RNF38: variants seen among roughly 807,000 people sequenced by gnomAD.
The protein encoded by RNF38 is E3 ubiquitin-protein ligase RNF38.
A neutral mutation model predicts 67.2 loss-of-function variants in RNF38; 15 were observed. That is an observed-to-expected ratio of 0.22 (90% CI 0.15 to 0.34). The LOEUF (loss-of-function observed/expected upper bound fraction) is 0.34, where lower values mean the gene tolerates loss of function less well. RNF38 is among the 10% of genes least tolerant of loss of function. The pLI is 1.00. For missense variants in RNF38, 524 were observed against 639.9 expected (o/e 0.82, Z 1.95); for synonymous variants, 220 against 218.8 (o/e 1.01, Z -0.05).
intron 1 of RNF38, among the ~76,000 whole-genome samples, chr9:36,431,441 A>C (rs918529634): frequency 2.0e-5 from 3 of 152,244 alleles, no homozygotes; most frequent in African/African-American, 4.8e-5. Context: ...ATAGTATTAT[A>C]ATCTCAGGGG....
At chr9:36,381,407 CCT>C (rs1343593059) in intron 2 of RNF38, among the ~76,000 whole-genome samples, 4 of 152,102 alleles carry the variant, frequency 2.6e-5, no homozygotes, top group African/African-American at 9.7e-5. Context: ...CTCTCCATCC[CCT>C]GCTTCTGGAG....
At chr9:36,341,692 T>G (rs973576212) in intron 11 of RNF38, among the ~76,000 whole-genome samples, 1 of 151,904 alleles carries the variant, frequency 6.6e-6, no homozygotes, top group Non-Finnish European at 1.5e-5. Flanking sequence ...GGCAACATAG[T>G]GACACCCAGT....
chr9:36,356,421 G>A lies in RNF38; in HGVS notation c.791C>T (p.Pro264Leu). 6.2e-7 allele frequency: 1 copy of A among 1,613,734 alleles called. No individual in the cohort carries two copies. Among genetic ancestry groups the A allele is most frequent in the South Asian group, 1.1e-5 (1 of 91,042 alleles). The change falls in exon 6 of 12, where the codon CCA (proline) becomes CTA (leucine). Residue 264 changes from proline (P) to leucine (L), a missense_variant. By Grantham distance (98) the Pro-to-Leu change is moderately conservative. Coordinates refer to ENST00000259605, the MANE Select transcript of RNF38 (RefSeq NM_022781.5). ...AAATGGATCACTAGAAATAAGGGGT[G>A]GGAATGCAGCATATGGTACTGGTAA... ...QHLPVPYAAF[P>L]PLISSDPFLI...
At position 36,338,538 on chromosome 9, in the gene RNF38, G is replaced by A. The variant is rs551678910; in HGVS notation, c.*1214C>T. ...AAGAACTAGACAACTTTCAGAATTG[G>A]AGTCTGGCAAGTGAATTAATATGAA... On this transcript the variant is annotated 3_prime_UTR_variant, in exon 12 of 12. Coordinates refer to ENST00000259605, the MANE Select transcript of RNF38 (RefSeq NM_022781.5). 1 of 152,318 alleles carries A rather than the reference G, an allele frequency of 6.6e-6. No individual in the cohort carries two copies. Among genetic ancestry groups the A allele is most frequent in the African/African-American group, 2.4e-5 (1 of 41,576 alleles). The allele number at this position is 152,318 out of a possible 1,614,324, so 9.4% of individuals were successfully genotyped here.
intron 3 of RNF38, 79 bp from the exon 4 acceptor site, chr9:36,370,011 A>G: frequency 8.7e-7 from 1 of 1,145,464 alleles, no homozygotes; most frequent in Non-Finnish European, 1.2e-6. Context: ...TTTGATATCT[A>G]TCAATAGTAT....
At chr9:36,345,219 A>G (rs1007847400) in intron 9 of RNF38, among the ~76,000 whole-genome samples, 1 of 152,202 alleles carries the variant, frequency 6.6e-6, no homozygotes, top group Non-Finnish European at 1.5e-5. Flanking sequence ...GAAAAAATCT[A>G]AACACATACA....
intron 4 of RNF38, among the ~76,000 whole-genome samples, chr9:36,358,247 A>C (rs1335497822): frequency 6.6e-6 from 1 of 152,258 alleles, no homozygotes; most frequent in African/African-American, 2.4e-5. Flanking sequence ...GAATAAAAAG[A>C]ACTGGAATCA....
chr9:36,423,813 G>C lies in RNF38; in HGVS notation n.312+800C>G, dbSNP rs1337576479. 2.2e-5 allele frequency among the ~76,000 whole-genome samples: 2 copies of C among 89,482 alleles called. 1 individual carries two copies. The highest frequency in any genetic ancestry group is 7.9e-5 in the African/African-American group (2 of 25,392). 58.7% of individuals were successfully genotyped at this position (89,482 alleles called of 152,430 possible). On this transcript the variant is annotated intron_variant and non_coding_transcript_variant, in intron 2 of 3. Coordinates refer to the RNF38 transcript ENST00000488058. ...AAATACAAAAAATTAGCCGGGCGTG[G>C]TGGCGGGCGCCTGTAGTCCCAGCTA...
chr9:36,362,069 G>C (rs1219624347), intron 4 of RNF38, among the ~76,000 whole-genome samples: 2 of 152,072 alleles, frequency 1.3e-5, no homozygotes, highest in Non-Finnish European at 2.9e-5. Context: ...TAAAATCAAT[G>C]AATAGGGCCG....
chr9:36,393,522 T>TGTGTGTGG (rs57164047), intron 1 of RNF38, among the ~76,000 whole-genome samples: 9 of 124,560 alleles, frequency 7.2e-5, no homozygotes, highest in Admixed American at 3.1e-4. Flanking sequence ...TGTGTGTGTG[T>TGTGTGTGG]GGGGCAGGCA....
upstream of RNF38, chr9:36,400,974 C>T: frequency 1.0e-6 from 1 of 984,676 alleles, no homozygotes; most frequent in Non-Finnish European, 1.2e-6. Flanking sequence ...CCCTATGCGC[C>T]GGCGCACTGG....
At chr9:36,342,198 A>T (rs1338107850) in intron 11 of RNF38, 127 bp downstream of exon 11, 1 of 693,216 alleles carries the variant, frequency 1.4e-6, no homozygotes, top group African/African-American at 1.8e-5. Context: ...ATTTGCAGAG[A>T]TCATACTGAA....
rs1278504048 is a variant in RNF38 at position 36,369,802 on chromosome 9, G to C, written c.487C>G (p.Pro163Ala). 4 of 1,613,984 alleles carry C rather than the reference G, an allele frequency of 2.5e-6. No individual in the cohort carries two copies. Among genetic ancestry groups the C allele is most frequent in the Non-Finnish European group, 3.4e-6 (4 of 1,180,018 alleles). ...AGCAGACGGGGAGATACATTCGGAG[G>C]GTGGAAGGCTCGAGGCTCCTCTATT... ...QAIEEPRAFH[P>A]PNVSPRLLHP... The change falls in exon 4 of 12, where the codon CCT becomes GCT. Residue 163 changes from proline to alanine, a missense_variant. Around this residue, in one of 2 missense-constraint regions of RNF38, gnomAD observed 461 missense variants for 517.4 expected, o/e 0.89. Transcript: ENST00000259605.
At chr9:36,366,869 A>C (rs1835009036) in intron 4 of RNF38, among the ~76,000 whole-genome samples, 1 of 151,990 alleles carries the variant, frequency 6.6e-6, no homozygotes, top group South Asian at 2.1e-4. Context: ...TTATTGGGGG[A>C]ACTGAGAACC....
At chr9:36,480,794 C>T (rs1157930082) in intron 1 of RNF38, among the ~76,000 whole-genome samples, 1 of 151,898 alleles carries the variant, frequency 6.6e-6, no homozygotes, top group Non-Finnish European at 1.5e-5. Context: ...AAGTTATCCA[C>T]CCGCCTTGGC....
rs939411262 is a variant in RNF38, at chr9:36,356,748, G to T, written c.739-275C>A. On this transcript the variant is annotated intron_variant, in intron 5 of 11. Transcript: ENST00000259605. The stretch of plus-strand genomic sequence containing the variant: ...TATGAAAAAGGGTTGGGGCGGGTGT[G>T]GGGGGGGCGGGGGGGAAGTGCTGCA... Among the ~76,000 whole-genome samples the T allele has an allele frequency of 5.3e-5, 8 of 149,812 alleles. No homozygotes were observed. The East Asian group carries it at 7.9e-4, about 15-fold the overall frequency.
intron 3 of RNF38, chr9:36,372,717 G>C (rs1237037651): frequency 2.2e-6 from 1 of 457,848 alleles, no homozygotes; most frequent in Non-Finnish European, 3.9e-6. Context: ...CTATGAACGA[G>C]GACCATGATG....
At chr9:36,386,590 C>A (rs2247795) in intron 2 of RNF38, among the ~76,000 whole-genome samples, 90,569 of 151,930 alleles carry the variant, frequency 0.6, 27,372 homozygotes, top group Non-Finnish European at 0.65. Flanking sequence ...ATTCCCATCA[C>A]GTTAGGCATT....
At chr9:36,452,830 G>A (rs764353568) in intron 1 of RNF38, among the ~76,000 whole-genome samples, 6 of 152,108 alleles carry the variant, frequency 3.9e-5, no homozygotes, top group Non-Finnish European at 8.8e-5. Flanking sequence ...ACTGCACCCG[G>A]CCAAAACCTT....
Sources: gnomAD v4.1 joint callset for allele counts (sites outside exome capture counted in the v4.1 genomes callset) on GRCh38, gnomAD v4.1.1 for gene constraint, gnomAD v4.1.1 regional missense constraint, MANE v1.5 for transcripts, NCBI Gene and HGNC (gene_info 2026-07-23, HGNC 2026-07-21) for gene names.